Variants in SH3D19 observed in about 807,000 individuals in gnomAD.
SH3D19 encodes the protein SH3 domain-containing protein 19.
Under a neutral mutation model 112.1 loss-of-function variants are expected in SH3D19, and 58 were observed. The observed-to-expected ratio is 0.52, with a 90% CI of 0.42 to 0.64. The LOEUF (loss-of-function observed/expected upper bound fraction) is 0.64. Among genes scored for constraint, SH3D19 ranks in the 30% least tolerant of loss-of-function variants. The pLI is 0.00. For synonymous variants in SH3D19, 391 were observed against 448.5 expected, an observed-to-expected ratio of 0.87 and a Z score of 1.62; for missense variants, 1,090 against 1,263.4, an observed-to-expected ratio of 0.86 and a Z score of 2.08.
intron 1 of SH3D19, among the ~76,000 whole-genome samples, chr4:151,315,914 C>A (rs1163881334): frequency 2.0e-5 from 3 of 152,166 alleles, no homozygotes; most frequent in Non-Finnish European, 4.4e-5. Context: ...ATAGTGACTT[C>A]CTTCACTTTC....
At chr4:151,257,632 C>T (rs1478023224) in intron 1 of SH3D19, among the ~76,000 whole-genome samples, 3 of 151,886 alleles carry the variant, frequency 2.0e-5, no homozygotes, top group South Asian at 2.1e-4. Context: ...AAATAGTAAC[C>T]GTGGCTGGGT....
In SH3D19 at chr4:151,148,197, A is replaced by G; in HGVS notation, c.1818-11T>C. The G allele has an allele frequency of 1.3e-6, 2 of 1,587,474 alleles. No individual in the cohort carries two copies. The highest frequency in any genetic ancestry group is 1.7e-6 in the Non-Finnish European group (2 of 1,169,948). The stretch of plus-strand genomic sequence containing the variant: ...TTTCCATTCACAGGTCTGAAAGTCA[A>G]TGTAGTAGCCATGAGTCAGTGTTTT... On this transcript the variant is annotated splice_polypyrimidine_tract_variant and intron_variant, in intron 10 of 19. Transcript: ENST00000604030.
chr4:151,134,161 C>G (rs1190807617), intron 15 of SH3D19, among the ~76,000 whole-genome samples: 1 of 152,196 alleles, frequency 6.6e-6, no homozygotes, highest in Non-Finnish European at 1.5e-5. Flanking sequence ...AAATAGAATT[C>G]AACTATTGTG....
chr4:151,133,059 A>T lies in SH3D19; in HGVS notation c.2664T>A (p.Tyr888Ter), dbSNP rs1384955440. 3.1e-6 allele frequency: 5 copies of T among 1,613,926 alleles called. No homozygotes were observed. Among genetic ancestry groups the T allele is most frequent in the Non-Finnish European group, 4.2e-6 (5 of 1,179,926 alleles). Reference protein sequence around the residue: ...PLNFVEPVEDYPTSGANVLST... With the variant: ...PLNFVEPVED ...TTAAAACATTTGCACCAGAGGTGGG[A>T]TAATCCTCAACAGGCTCCACAAAGT... The change falls in exon 16 of 20, where the codon TAT becomes TAA. Residue 888 changes from tyrosine to a stop codon, truncating the protein, a stop_gained. Coordinates refer to ENST00000604030, the MANE Select transcript of SH3D19 (RefSeq NM_001378122.1). LOFTEE classifies it high-confidence loss of function.
intron 1 of SH3D19, among the ~76,000 whole-genome samples, chr4:151,251,716 T>C (rs1191007230): frequency 3.9e-5 from 6 of 152,168 alleles, no homozygotes; most frequent in Non-Finnish European, 1.5e-5. Context: ...CTCACCCTGC[T>C]TGCAGCCAAC....
rs1360654208 is a variant in SH3D19 at position 151,226,028 on chromosome 4, A to G, written c.152+19T>C. On this transcript the variant is annotated intron_variant, in intron 2 of 19. Transcript: ENST00000604030. ...ATAAGAAGCTTTATACAGAATTATT[A>G]GATACTGTAAATTCATACCTTGAAG... 8.2e-7 allele frequency: 1 copy of G among 1,225,626 alleles called. No individual in the cohort carries two copies. Among genetic ancestry groups the G allele is most frequent in the East Asian group, 3.2e-5 (1 of 31,632 alleles). 75.9% of individuals were successfully genotyped at this position (1,225,626 alleles called of 1,614,324 possible). A position where few individuals can be genotyped will look rare whatever the true frequency, so the allele number is the denominator to read the frequency against.
intron 9 of SH3D19, among the ~76,000 whole-genome samples, chr4:151,151,294 G>C (rs775060012): frequency 1.4e-4 from 21 of 151,394 alleles, no homozygotes; most frequent in Non-Finnish European, 2.6e-4. Context: ...GTGTTTTTTT[G>C]TTTTCCACTT....
intron 1 of SH3D19, among the ~76,000 whole-genome samples, chr4:151,264,510 C>G (rs1352617791): frequency 1.3e-5 from 2 of 150,650 alleles, no homozygotes; most frequent in African/African-American, 4.9e-5. Context: ...AGTAGTAAGT[C>G]AACAAGGTGT....
intron 2 of SH3D19, among the ~76,000 whole-genome samples, chr4:151,210,704 C>T (rs1405169608): frequency 6.7e-6 from 1 of 150,338 alleles, no homozygotes; most frequent in African/African-American, 2.5e-5. Context: ...CCTGGCCCCC[C>T]AGTATTTTTT....
intron 3 of SH3D19, among the ~76,000 whole-genome samples, chr4:151,182,998 T>C (rs1454479267): frequency 1.3e-5 from 2 of 150,836 alleles, no homozygotes; most frequent in East Asian, 3.9e-4. Context: ...TTTTCTTTTT[T>C]TTTTTCTTTT....
chr4:151,287,341 C>CAA (rs34944826), intron 1 of SH3D19, among the ~76,000 whole-genome samples: 10 of 82,364 alleles, frequency 1.2e-4, no homozygotes, highest in South Asian at 3.8e-4. Context: ...ACTCTGTCTC[C>CAA]AAAAAAAAAA....
intron 1 of SH3D19, among the ~76,000 whole-genome samples, chr4:151,288,366 T>C (rs1251541455): frequency 2.6e-5 from 4 of 152,176 alleles, no homozygotes; most frequent in South Asian, 2.1e-4. Flanking sequence ...ATTTTATAAA[T>C]AGAAAATCTA....
chr4:151,264,441 A>AAG (rs1421068697), intron 1 of SH3D19, among the ~76,000 whole-genome samples: 4 of 150,876 alleles, frequency 2.7e-5, no homozygotes, highest in Admixed American at 6.6e-5. Context: ...AAAAAAAAAA[A>AAG]AAACCAAACA....
At position 151,179,357 on chromosome 4, in the gene SH3D19, T is replaced by G; in HGVS notation, c.234A>C (p.Arg78Ser). 8.1e-7 allele frequency: 1 copy of G among 1,227,848 alleles called. No homozygotes were observed. Among genetic ancestry groups the G allele is most frequent in the Non-Finnish European group, 1.0e-6 (1 of 984,316 alleles). 76.1% of individuals were successfully genotyped at this position (1,227,848 alleles called of 1,614,324 possible). A position where few individuals can be genotyped will look rare whatever the true frequency, so the allele number is the denominator to read the frequency against. ...CTCCATTATAAATATAACCATACCT[T>G]CTATCTCGATGAAGTTCACTCTGAA... ...TSIQSELHRD[R>S]RRPEITIVAA... The change falls in exon 4 of 20, where the codon AGA becomes AGC. Residue 78 changes from arginine to serine, a missense_variant and splice_region_variant. By Grantham distance (110) the Arg-to-Ser change is moderately radical. Transcript: ENST00000604030.
intron 14 of SH3D19, among the ~76,000 whole-genome samples, chr4:151,136,147 TTTTA>T (rs1312902178): frequency 3.5e-4 from 54 of 152,194 alleles, no homozygotes; most frequent in Admixed American, 1.3e-3. Flanking sequence ...CTTTGTTTTA[TTTTA>T]TTTATTTATT....
intron 3 of SH3D19, among the ~76,000 whole-genome samples, chr4:151,182,992 C>CTTTTTTTTTT (rs757247209): frequency 7.1e-6 from 1 of 139,984 alleles, no homozygotes. Flanking sequence ...CAAACTTTTT[C>CTTTTTTTTTT]TTTTTTTTTT....
intron 1 of SH3D19, among the ~76,000 whole-genome samples, chr4:151,228,889 C>T (rs1238704520): frequency 3.4e-5 from 5 of 149,226 alleles, no homozygotes. Context: ...AGGTTTCGCT[C>T]TGTACTCCAG....
intron 2 of SH3D19, among the ~76,000 whole-genome samples, chr4:151,198,433 TA>T (rs1388411989): frequency 6.4e-5 from 9 of 141,368 alleles, no homozygotes; most frequent in Non-Finnish European, 7.6e-5. Context: ...ATATATTATA[TA>T]AAATATATAT....
intron 2 of SH3D19, among the ~76,000 whole-genome samples, chr4:151,190,971 A>G (rs1372952593): frequency 6.6e-6 from 1 of 152,148 alleles, no homozygotes; most frequent in African/African-American, 2.4e-5. Context: ...ACCCTGCAAA[A>G]CCACAGGGGT....
Sources: gnomAD v4.1 joint callset for allele counts (sites outside exome capture counted in the v4.1 genomes callset) on GRCh38, gnomAD v4.1.1 for gene constraint, MANE v1.5 for transcripts, NCBI Gene and HGNC (gene_info 2026-07-23, HGNC 2026-07-21) for gene names.